SLC5A12: variants seen among roughly 807,000 people sequenced by gnomAD.
SLC5A12 encodes sodium-coupled monocarboxylate transporter 2.
In SLC5A12, 46 loss-of-function variants were observed where a neutral mutation model predicts 72.7. The ratio of observed to expected loss-of-function variants is 0.63; its 90% CI spans 0.50 to 0.81. SLC5A12 has a LOEUF of 0.81. Ranked by LOEUF, SLC5A12 falls within the 30% of genes least tolerant of loss-of-function variation. The probability of loss-of-function intolerance (pLI) is 0.00; values close to 1 mark genes in which losing one functional copy is unlikely to be tolerated. For synonymous variants in SLC5A12, 275 were observed against 264.4 expected (o/e 1.04, Z -0.39); for missense variants, 683 against 740.7 (o/e 0.92, Z 0.90).
At chr11:26,678,146 T>G (rs1854307188) in intron 13 of SLC5A12, among the ~76,000 whole-genome samples, 1 of 152,180 alleles carries the variant, frequency 6.6e-6, no homozygotes. Flanking sequence ...TGTTTTGCTT[T>G]TCTAGTAAGT....
rs973965611 is a variant in SLC5A12, at chr11:26,692,481, G to A, written c.1153+8C>T. ...ATATGGAATAGAAAGTCCACCAGCTGTACCTACATAAGCCTTTACTGATCC... is the reference window on the plus strand; with the variant it reads ...ATATGGAATAGAAAGTCCACCAGCTATACCTACATAAGCCTTTACTGATCC... On this transcript the variant is annotated splice_region_variant and intron_variant, in intron 9 of 14. Coordinates refer to ENST00000396005, the MANE Select transcript of SLC5A12 (RefSeq NM_178498.4). The A allele has an allele frequency of 4.4e-6, 7 of 1,575,656 alleles. No individual in the cohort carries two copies. Among genetic ancestry groups the A allele is most frequent in the African/African-American group, 2.7e-5 (2 of 74,312 alleles).
intron 12 of SLC5A12, among the ~76,000 whole-genome samples, chr11:26,680,476 A>T (rs1016244256): frequency 6.7e-6 from 1 of 149,350 alleles, no homozygotes; most frequent in Admixed American, 6.8e-5. Context: ...TTGTCCAAAG[A>T]TACAGAGGGA....
At chr11:26,685,903 T>C (rs1301483775) in intron 10 of SLC5A12, among the ~76,000 whole-genome samples, 1 of 152,124 alleles carries the variant, frequency 6.6e-6, no homozygotes, top group Admixed American at 6.5e-5. Flanking sequence ...GAATTGGGAG[T>C]TGTGAGTTCG....
At chr11:26,691,965 G>C (rs1047336401) in intron 9 of SLC5A12, 2 of 152,278 alleles carry the variant, frequency 1.3e-5, no homozygotes, top group Admixed American at 6.5e-5. Flanking sequence ...CCCATGTAGA[G>C]AGACTAATAT....
At position 26,709,372 on chromosome 11, in the gene SLC5A12, C is replaced by T; in HGVS notation, c.465G>A (p.Gly155=). The change falls in exon 4 of 15, where the codon GGG becomes GGA. Residue 155 remains glycine (G), a synonymous_variant. Transcript: ENST00000396005. The part of the protein sequence containing the change: ...APALALNQVT[G]FDLWGSVFAT... ...CAAACACAGAGCCCCAGAGATCAAACCCAGTCACTAGGAAAGAAGAAAAAA... is the reference window on the plus strand; with the variant it reads ...CAAACACAGAGCCCCAGAGATCAAATCCAGTCACTAGGAAAGAAGAAAAAA... 2 of 1,609,706 alleles carry T rather than the reference C, an allele frequency of 1.2e-6. No homozygotes were observed. The highest frequency in any genetic ancestry group is 1.3e-5 in the African/African-American group (1 of 74,852).
chr11:26,675,204 A>G (rs965184329), intron 13 of SLC5A12, among the ~76,000 whole-genome samples: 1 of 151,924 alleles, frequency 6.6e-6, no homozygotes, highest in African/African-American at 2.4e-5. Context: ...ATGTAGATCT[A>G]TTGTCTCTTA....
chr11:26,687,919 C>G (rs984051731), intron 9 of SLC5A12, among the ~76,000 whole-genome samples: 1 of 152,128 alleles, frequency 6.6e-6, no homozygotes, highest in Non-Finnish European at 1.5e-5. Context: ...TCTGCCCTGA[C>G]TTTGTATTGC....
At chr11:26,695,136 A>G (rs1213746508) in intron 8 of SLC5A12, among the ~76,000 whole-genome samples, 1 of 152,058 alleles carries the variant, frequency 6.6e-6, no homozygotes, top group Non-Finnish European at 1.5e-5. Context: ...TCTGTAAAAT[A>G]AAATTAATTA....
intron 6 of SLC5A12, 101 bp downstream of exon 6, chr11:26,703,430 A>ACACG: frequency 8.0e-7 from 1 of 1,252,092 alleles, no homozygotes; most frequent in Non-Finnish European, 1.1e-6. Flanking sequence ...ATACATACAC[A>ACACG]CACACACACA....
intron 7 of SLC5A12, among the ~76,000 whole-genome samples, chr11:26,697,480 C>A (rs557655382): frequency 1.3e-5 from 2 of 152,194 alleles, no homozygotes; most frequent in South Asian, 4.2e-4. Context: ...TAAAATCAAG[C>A]CCCTAAAAGA....
chr11:26,674,654 C>G (rs987278685), intron 13 of SLC5A12, among the ~76,000 whole-genome samples: 5 of 152,152 alleles, frequency 3.3e-5, no homozygotes, highest in African/African-American at 4.8e-5. Context: ...CTGCCCACCT[C>G]AGCCTCCCAA....
intron 10 of SLC5A12, among the ~76,000 whole-genome samples, chr11:26,684,583 C>T (rs958099656): frequency 5.9e-5 from 9 of 152,082 alleles, no homozygotes; most frequent in African/African-American, 2.2e-4. Context: ...ATCTCTTAAA[C>T]TGCGTGGCAC....
intron 9 of SLC5A12, among the ~76,000 whole-genome samples, chr11:26,688,020 G>A (rs1317411842): frequency 6.6e-6 from 1 of 152,092 alleles, no homozygotes; most frequent in Non-Finnish European, 1.5e-5. Context: ...TGGACCAATG[G>A]TTACCTGTTC....
rs774193536 is a variant in SLC5A12, at chr11:26,673,441, T to A, written c.1668A>T (p.Leu556=). Residue 556 remains leucine, a synonymous_variant, in exon 14 of 15, where the codon CTA becomes CTT. Coordinates refer to ENST00000396005, the MANE Select transcript of SLC5A12 (RefSeq NM_178498.4). ...TGTCATGCTGAACTCCACACCAGCATAGTGTTTTGTACTTCTTAGACCAAA... is the reference window on the plus strand; with the variant it reads ...TGTCATGCTGAACTCCACACCAGCAAAGTGTTTTGTACTTCTTAGACCAAA... ...FCFWSKKYKT[L]CWCGVQHDSG... is the part of the protein sequence containing the mutation. The A allele has an allele frequency of 3.7e-6, 6 of 1,610,966 alleles. No homozygotes were observed. The highest frequency in any genetic ancestry group is 3.4e-5 in the Admixed American group (2 of 59,622).
intron 1 of SLC5A12, among the ~76,000 whole-genome samples, chr11:26,716,944 C>T (rs79953347): frequency 0.01 from 1,522 of 152,182 alleles, 34 homozygotes; most frequent in African/African-American, 0.034. Context: ...ACTGTAATGA[C>T]CCATCATTTC....
At chr11:26,676,022 G>A (rs1854257971) in intron 13 of SLC5A12, among the ~76,000 whole-genome samples, 1 of 151,874 alleles carries the variant, frequency 6.6e-6, no homozygotes, top group Admixed American at 6.6e-5. Flanking sequence ...AGAGGAGAGA[G>A]AGACTGAAAT....
intron 1 of SLC5A12, among the ~76,000 whole-genome samples, chr11:26,718,030 A>T (rs892071661): frequency 1.3e-5 from 2 of 152,148 alleles, no homozygotes; most frequent in African/African-American, 4.8e-5. Flanking sequence ...AAGTCACAAA[A>T]CTGGCCAAAG....
chr11:26,698,422 A>T lies in SLC5A12; in HGVS notation c.935T>A (p.Ile312Asn), dbSNP rs776966606. 6.2e-7 allele frequency: 1 copy of T among 1,613,862 alleles called. No individual in the cohort carries two copies. The highest frequency in any genetic ancestry group is 8.5e-7 in the Non-Finnish European group (1 of 1,179,934). ...KDCDPWTSGI[I>N]SAPDQLMPYF... ...AACCCATACCTGGTCTGGTGCTGAGATGATGCCAGAAGTCCAAGGGTCACA... is the reference window on the plus strand; with the variant it reads ...AACCCATACCTGGTCTGGTGCTGAGTTGATGCCAGAAGTCCAAGGGTCACA... Residue 312 changes from isoleucine (I) to asparagine (N), a missense_variant, in exon 7 of 15, where the codon ATC (isoleucine) becomes AAC (asparagine). Physicochemically the swap from Ile to Asn is moderately radical, Grantham distance 149. Transcript: ENST00000396005.
In SLC5A12 at chr11:26,721,695, GC is replaced by G; in HGVS notation, c.19del (p.Ala7GlnfsTer42). 1 of 1,613,502 alleles carries G rather than the reference GC, an allele frequency of 6.2e-7. No individual in the cohort carries two copies. The highest frequency in any genetic ancestry group is 8.5e-7 in the Non-Finnish European group (1 of 1,179,784). On this transcript the variant is annotated frameshift_variant, in exon 1 of 15. Coordinates refer to ENST00000396005, the MANE Select transcript of SLC5A12 (RefSeq NM_178498.4). LOFTEE classifies it high-confidence loss of function. ...TGCAAATACAACATAATCCCAAACT[GC>G]AAAGTTCTTCACCTCCATATTGGAA... MEVKNFAVWDYVVFAAL... is the reference protein window; with the variant it reads MEVKNFXVWDYVVFAAL...
Sources: allele counts gnomAD v4.1 joint callset (sites outside exome capture counted in the v4.1 genomes callset), GRCh38; gene constraint gnomAD v4.1.1; transcripts MANE v1.5; gene names NCBI Gene and HGNC (gene_info 2026-07-23, HGNC 2026-07-21).